HS6ST3: variants seen among roughly 807,000 people sequenced by gnomAD.
HS6ST3 encodes heparan sulfate 6-O-sulfotransferase 3.
Under a neutral mutation model 36.7 loss-of-function variants are expected in HS6ST3, and 12 were observed. The ratio of observed to expected loss-of-function variants is 0.33; its 90% CI spans 0.21 to 0.53. The LOEUF is 0.53. Among genes scored for constraint, HS6ST3 ranks in the 20% least tolerant of loss-of-function variants. The probability of loss-of-function intolerance (pLI) is 0.95; values close to 1 mark genes in which losing one functional copy is unlikely to be tolerated. For synonymous variants in HS6ST3, 240 were observed against 257.5 expected, an observed-to-expected ratio of 0.93 and a Z score of 0.65; for missense variants, 584 against 640.9, an observed-to-expected ratio of 0.91 and a Z score of 0.96.
At chr13:96,155,829 A>G (rs1209013733) in intron 1 of HS6ST3, among the ~76,000 whole-genome samples, 1 of 152,226 alleles carries the variant, frequency 6.6e-6, no homozygotes, top group African/African-American at 2.4e-5. Context: ...AATCATAAAC[A>G]TGTGACATTG....
At chr13:96,740,208 G>A (rs180971040) in intron 1 of HS6ST3, among the ~76,000 whole-genome samples, 39 of 152,184 alleles carry the variant, frequency 2.6e-4, no homozygotes, top group Non-Finnish European at 5.3e-4. Flanking sequence ...ACTGACTCTC[G>A]TTCACTCTCA....
chr13:96,406,474 G>T lies in HS6ST3; in HGVS notation c.707+314905G>T, dbSNP rs77853371. On this transcript the variant is annotated intron_variant, in intron 1 of 1. Transcript: ENST00000376705. ...GCTATAAACTGAACACTGAAGTGCT[G>T]TATGTATTCATCTTGCATTGGAACT... is the stretch of plus-strand genomic sequence containing the variant. 3.1e-3 allele frequency among the ~76,000 whole-genome samples: 473 copies of T among 152,274 alleles called. 3 individuals are homozygous for T. Among genetic ancestry groups the T allele is most frequent in the African/African-American group, 0.011 (449 of 41,572 alleles).
chr13:96,672,695 T>C (rs2056686551), intron 1 of HS6ST3, among the ~76,000 whole-genome samples: 1 of 152,172 alleles, frequency 6.6e-6, no homozygotes, highest in African/African-American at 2.4e-5. Context: ...GATAACTGTT[T>C]GAAGACTTGG....
At chr13:96,350,878 C>T (rs911216206) in intron 1 of HS6ST3, among the ~76,000 whole-genome samples, 1 of 152,180 alleles carries the variant, frequency 6.6e-6, no homozygotes, top group African/African-American at 2.4e-5. Context: ...AAATGCTCCC[C>T]ATTGCTTCCT....
At chr13:96,345,257 A>G (rs1429158745) in intron 1 of HS6ST3, among the ~76,000 whole-genome samples, 2 of 152,202 alleles carry the variant, frequency 1.3e-5, no homozygotes, top group East Asian at 3.9e-4. Context: ...ACAATTGCTT[A>G]GAAAACAAAA....
At chr13:96,511,419 C>A (rs2056049448) in intron 1 of HS6ST3, among the ~76,000 whole-genome samples, 1 of 151,998 alleles carries the variant, frequency 6.6e-6, no homozygotes, top group Non-Finnish European at 1.5e-5. Context: ...CAGTAGGCAG[C>A]AGTCTAGTTT....
chr13:96,385,683 A>T (rs981417582), intron 1 of HS6ST3, among the ~76,000 whole-genome samples: 1 of 152,214 alleles, frequency 6.6e-6, no homozygotes, highest in Non-Finnish European at 1.5e-5. Context: ...AATGTAGATA[A>T]TGCTATCATT....
chr13:96,424,294 T>C (rs1390235559), intron 1 of HS6ST3, among the ~76,000 whole-genome samples: 1 of 152,200 alleles, frequency 6.6e-6, no homozygotes, highest in East Asian at 1.9e-4. Context: ...TACCTGTAAA[T>C]GATTTCAATG....
At chr13:96,125,981 T>C (rs1003711269) in intron 1 of HS6ST3, among the ~76,000 whole-genome samples, 1 of 151,880 alleles carries the variant, frequency 6.6e-6, no homozygotes, top group African/African-American at 2.4e-5. Context: ...CTTCCTATAA[T>C]TGACTCTTGA....
At chr13:96,730,894 G>C (rs770888638) in intron 1 of HS6ST3, among the ~76,000 whole-genome samples, 2 of 152,058 alleles carry the variant, frequency 1.3e-5, no homozygotes, top group Non-Finnish European at 2.9e-5. Context: ...ACCAGACTCA[G>C]AGAATTTTTT....
intron 1 of HS6ST3, among the ~76,000 whole-genome samples, chr13:96,192,419 C>A (rs200113817): frequency 6.6e-6 from 1 of 152,082 alleles, no homozygotes; most frequent in Non-Finnish European, 1.5e-5. Flanking sequence ...ATCCAATAGA[C>A]GCTTTTTCAA....
At chr13:96,285,725 C>T (rs61966876) in intron 1 of HS6ST3, among the ~76,000 whole-genome samples, 12,248 of 152,202 alleles carry the variant, frequency 0.08, 563 homozygotes, top group Middle Eastern at 0.13. Flanking sequence ...AAACTTATCT[C>T]AAATTGGTTT....
chr13:96,378,004 G>C (rs1183076018), intron 1 of HS6ST3, among the ~76,000 whole-genome samples: 1 of 152,122 alleles, frequency 6.6e-6, no homozygotes, highest in Non-Finnish European at 1.5e-5. Context: ...GGAATTGATC[G>C]AGTGACGTCA....
In HS6ST3 at chr13:96,199,882, G is replaced by A. The variant is rs140585971; in HGVS notation, c.707+108313G>A. Among the ~76,000 whole-genome samples, 18 of 152,056 alleles carry A rather than the reference G, an allele frequency of 1.2e-4. No individual in the cohort carries two copies. In the East Asian group the frequency reaches 2.7e-3, roughly 23 times the overall value. ...TTTTTTTTATATAGCTTTCTAGCAG[G>A]CCAAATGAGAATAAGATTAAAATTA... On this transcript the variant is annotated intron_variant, in intron 1 of 1. Coordinates refer to ENST00000376705, the MANE Select transcript of HS6ST3 (RefSeq NM_153456.4).
chr13:96,715,355 A>C (rs761731802), intron 1 of HS6ST3, among the ~76,000 whole-genome samples: 8 of 152,114 alleles, frequency 5.3e-5, no homozygotes, highest in Non-Finnish European at 1.2e-4. Flanking sequence ...AGAGAAGTAC[A>C]TTTGGTTCTT....
At chr13:96,814,739 G>A (rs191942788) in intron 1 of HS6ST3, among the ~76,000 whole-genome samples, 12 of 151,758 alleles carry the variant, frequency 7.9e-5, no homozygotes, top group Non-Finnish European at 1.6e-4. Context: ...ACAAGTTGCC[G>A]GGTCCCCACT....
chr13:96,636,455 A>T (rs1348890127), intron 1 of HS6ST3, among the ~76,000 whole-genome samples: 1 of 152,162 alleles, frequency 6.6e-6, no homozygotes, highest in Non-Finnish European at 1.5e-5. Context: ...CCAAGTGTGC[A>T]GTTTGGCCAT....
At chr13:96,154,761 A>G (rs2054102724) in intron 1 of HS6ST3, among the ~76,000 whole-genome samples, 1 of 152,136 alleles carries the variant, frequency 6.6e-6, no homozygotes, top group Non-Finnish European at 1.5e-5. Flanking sequence ...AGCCTATTGT[A>G]ATAGGAAAAC....
intron 1 of HS6ST3, among the ~76,000 whole-genome samples, chr13:96,386,437 G>A (rs9584362): frequency 0.34 from 51,300 of 151,944 alleles, 9,385 homozygotes; most frequent in Non-Finnish European, 0.42. Context: ...TGACACGTTC[G>A]TTGGACATCT....
Sources: gnomAD v4.1 joint callset for allele counts (sites outside exome capture counted in the v4.1 genomes callset) on GRCh38, gnomAD v4.1.1 for gene constraint, MANE v1.5 for transcripts, NCBI Gene and HGNC (gene_info 2026-07-23, HGNC 2026-07-21) for gene names.